KRT72: variants seen among roughly 807,000 people sequenced by gnomAD.
KRT72 encodes the protein keratin 72, also known as keratin, type II cytoskeletal 72.
KRT72 carries 44 observed loss-of-function variants against 44.7 expected under a neutral mutation model. The observed-to-expected ratio is 0.98, with a 90% CI of 0.77 to 1.27. KRT72 has a LOEUF of 1.27. KRT72 is among the 50% of genes most tolerant of loss of function. The pLI, the probability that KRT72 is intolerant of heterozygous loss-of-function variation, is 0.00. For synonymous variants in KRT72, 302 were observed against 280.4 expected (o/e 1.08, Z -0.77); for missense variants, 736 against 667.1 (o/e 1.10, Z -1.14).
rs866580582 is a variant in KRT72, at chr12:52,591,708, C to T, written c.799-80G>A. On this transcript the variant is annotated intron_variant, in intron 4 of 8. Transcript: ENST00000293745. ...TCTCTTGGTCCTCCCTGGGCAAATT[C>T]CTCACTGTCCCTCTGCCTTTCCTCA... 4 of 1,332,312 alleles carry T rather than the reference C, an allele frequency of 3.0e-6. No individual in the cohort carries two copies. In the Middle Eastern group the frequency reaches 5.7e-4, roughly 189 times the overall value. The allele number at this position is 1,332,312 out of a possible 1,614,324, so 82.5% of individuals were successfully genotyped here.
intron 1 of KRT72, chr12:52,599,340 C>A: frequency 1.6e-6 from 1 of 611,234 alleles, no homozygotes; most frequent in African/African-American, 1.8e-5. Flanking sequence ...GCAATGGTAC[C>A]ATCTGCCTCT....
chr12:52,600,570 G>A (rs546148044), intron 1 of KRT72, among the ~76,000 whole-genome samples: 5 of 152,232 alleles, frequency 3.3e-5, no homozygotes, highest in African/African-American at 1.2e-4. Flanking sequence ...TCCTAATAGT[G>A]AATAAGTATC....
intron 2 of KRT72, among the ~76,000 whole-genome samples, chr12:52,595,402 T>C (rs1940198128): frequency 6.6e-6 from 1 of 152,214 alleles, no homozygotes; most frequent in African/African-American, 2.4e-5. Flanking sequence ...TTCAATAACC[T>C]ATTATACAAG....
At chr12:52,592,343 A>G (rs757189180) in intron 4 of KRT72, 53 bp downstream of exon 4, 2 of 1,319,516 alleles carry the variant, frequency 1.5e-6, no homozygotes, top group Non-Finnish European at 2.2e-6. Context: ...CAGGGGCCAG[A>G]AACCTCTTGT....
Position 52,586,154 on chromosome 12 carries a change from T to C in KRT72, c.1364A>G (p.Asn455Ser). ...GAAGCCAGCCCCTCCTGCCCCAGCATTGGTGCTGCTGATGACGGCTGGAAT... is the reference window on the plus strand; with the variant it reads ...GAAGCCAGCCCCTCCTGCCCCAGCACTGGTGCTGCTGATGACGGCTGGAAT... Reference protein sequence around the residue: ...SVSISVISSTNAGAGGAGFSM... With the variant: ...SVSISVISSTSAGAGGAGFSM... Residue 455 changes from asparagine (N) to serine (S), a missense_variant, in exon 9 of 9, where the codon AAT (asparagine) becomes AGT (serine). By Grantham distance (46) the Asn-to-Ser change is conservative (BLOSUM62 1). Coordinates refer to ENST00000293745, the MANE Select transcript of KRT72 (RefSeq NM_080747.3). 6.2e-6 allele frequency: 10 copies of C among 1,613,920 alleles called. No homozygotes were observed. In the South Asian group the frequency reaches 7.7e-5, roughly 12 times the overall value.
At chr12:52,595,800 A>G (rs1338257513) in intron 2 of KRT72, among the ~76,000 whole-genome samples, 1 of 152,258 alleles carries the variant, frequency 6.6e-6, no homozygotes, top group African/African-American at 2.4e-5. Context: ...AATAAGTTGT[A>G]TAAGCATGGC....
intron 1 of KRT72, among the ~76,000 whole-genome samples, chr12:52,600,742 C>T (rs913499817): frequency 4.6e-5 from 7 of 151,360 alleles, no homozygotes; most frequent in Non-Finnish European, 8.8e-5. Context: ...TTTTTTTTCC[C>T]AGTCTCGGGT....
At chr12:52,601,674 A>T (rs950311518), upstream of KRT72, 6 of 570,946 alleles carry the variant, frequency 1.1e-5, no homozygotes, top group African/African-American at 1.2e-4. Flanking sequence ...TGAACTCCCC[A>T]TGAATCCCTG....
At position 52,601,357 on chromosome 12, in the gene KRT72, G is replaced by A. The variant is rs892829959; in HGVS notation, c.96C>T (p.Ala32=). 4.5e-6 allele frequency: 7 copies of A among 1,543,920 alleles called. No homozygotes were observed. The highest frequency in any genetic ancestry group is 6.1e-6 in the Non-Finnish European group (7 of 1,146,824). ...VLSGGIGSSS[A]SFRARVKGSA... ...AGCCCTTGACCCGGGCCCGGAATGA[G>A]GCGGAGCTGCTGCCGATCCCGCCAG... The change falls in exon 1 of 9, where the codon GCC becomes GCT. Residue 32 remains alanine (A), a synonymous_variant. Coordinates refer to ENST00000293745, the MANE Select transcript of KRT72 (RefSeq NM_080747.3).
upstream of KRT72, among the ~76,000 whole-genome samples, chr12:52,602,471 C>G (rs879565281): frequency 6.6e-6 from 1 of 152,160 alleles, no homozygotes; most frequent in African/African-American, 2.4e-5. Context: ...CCACCTAACC[C>G]GATTTCCTTT....
rs1940320175 is a variant in KRT72 at position 52,599,043 on chromosome 12, T to A, written c.496A>T (p.Asn166Tyr). Residue 166 changes from asparagine to tyrosine, a missense_variant, in exon 2 of 9, where the codon AAC (asparagine) becomes TAC (tyrosine). Coordinates refer to ENST00000293745, the MANE Select transcript of KRT72 (RefSeq NM_080747.3). ...KWNLLQQLDL[N>Y]NCRKNLEPIY... ...GGCTCCAGGTTCTTCCTGCAGTTGT[T>A]CAAGTCCAGCTGCTGTAGGAGGTTC... 1.2e-6 allele frequency: 2 copies of A among 1,614,020 alleles called. No homozygotes were observed. The highest frequency in any genetic ancestry group is 4.5e-5 in the East Asian group (2 of 44,872).
At chr12:52,602,792 C>A (rs547607433), upstream of KRT72, among the ~76,000 whole-genome samples, 1 of 152,318 alleles carries the variant, frequency 6.6e-6, no homozygotes, top group African/African-American at 2.4e-5. Context: ...CCCTTGGGGA[C>A]CTCATGGGTT....
chr12:52,601,176 G>C lies in KRT72; in HGVS notation c.277C>G (p.Pro93Ala). 6.2e-7 allele frequency: 1 copy of C among 1,613,300 alleles called. No individual in the cohort carries two copies. Residue 93 changes from proline (P) to alanine (A), a missense_variant, in exon 1 of 9, where the codon CCA (proline) becomes GCA (alanine). By Grantham distance (27) the Pro-to-Ala change is conservative. Transcript: ENST00000293745. ...GTGACCTGAGGGATGCCCCCGGGTG[G>C]GCACACGGAGGGACACTTGGGCCCC... is the stretch of plus-strand genomic sequence containing the variant. ...GLGPKCPSVC[P>A]PGGIPQVTVN...
Position 52,587,745 on chromosome 12 carries a change from G to T in KRT72, c.1196C>A (p.Ala399Asp). Reference sequence around the variant, plus strand: ...CAGCATCCGTGCCAGCTCCTCCTTGGCCTGGTGCAGGGCGCCCTCCAGCTC... The same window carrying T: ...CAGCATCCGTGCCAGCTCCTCCTTGTCCTGGTGCAGGGCGCCCTCCAGCTC... ...LDELEGALHQ[A>D]KEELARMLRE... is the part of the protein sequence containing the mutation. Residue 399 changes from alanine to aspartate, a missense_variant, in exon 7 of 9, where the codon GCC becomes GAC. By Grantham distance (126) the Ala-to-Asp change is moderately radical. Coordinates refer to ENST00000293745, the MANE Select transcript of KRT72 (RefSeq NM_080747.3). The T allele has an allele frequency of 6.2e-7, 1 of 1,614,158 alleles. No individual in the cohort carries two copies. The highest frequency in any genetic ancestry group is 8.5e-7 in the Non-Finnish European group (1 of 1,180,030).
At chr12:52,593,004 C>T in intron 2 of KRT72, 52 bp from the exon 3 acceptor site, 2 of 1,530,740 alleles carry the variant, frequency 1.3e-6, no homozygotes, top group South Asian at 2.4e-5. Context: ...ACTCACTGAA[C>T]AGTTAGTGAC....
At position 52,585,823 on chromosome 12, in the gene KRT72, C is replaced by T. The variant is rs1592218962; in HGVS notation, c.*159G>A. ...GAGCTCCTGACTGGACTCCTTGCAT[C>T]GAAGCATCACACCTTGAGGACAACA... On this transcript the variant is annotated 3_prime_UTR_variant, in exon 9 of 9. Coordinates refer to ENST00000293745, the MANE Select transcript of KRT72 (RefSeq NM_080747.3). 10 of 688,442 alleles carry T rather than the reference C, an allele frequency of 1.5e-5. 1 individual carries two copies. The highest frequency in any genetic ancestry group is 1.0e-4 in the East Asian group (4 of 38,548). The allele number at this position is 688,442 out of a possible 1,614,324, so 42.6% of individuals were successfully genotyped here.
intron 5 of KRT72, 94 bp from the exon 6 acceptor site, chr12:52,591,055 TCAA>T (rs1939996026): frequency 3.2e-6 from 4 of 1,235,338 alleles, no homozygotes; most frequent in Non-Finnish European, 4.3e-6. Flanking sequence ...CTGCCCTAGT[TCAA>T]CAAGATCCTC....
chr12:52,587,854 G>A lies in KRT72; in HGVS notation c.1090-3C>T, dbSNP rs750560666. ...ATGGCCGTCTCCAGATCGGCACACTGAGGGGCAAACAGATCCAGCACTTAA... is the reference window on the plus strand; with the variant it reads ...ATGGCCGTCTCCAGATCGGCACACTAAGGGGCAAACAGATCCAGCACTTAA... On this transcript the variant is annotated splice_polypyrimidine_tract_variant and splice_region_variant and intron_variant, in intron 6 of 8. Coordinates refer to ENST00000293745, the MANE Select transcript of KRT72 (RefSeq NM_080747.3). The A allele has an allele frequency of 2.5e-6, 4 of 1,613,302 alleles. No individual in the cohort carries two copies. The Admixed American group carries it at 6.7e-5, about 27-fold the overall frequency.
rs796857589 is a variant in KRT72 at position 52,591,107 on chromosome 12, T to C, written c.964-146A>G. On this transcript the variant is annotated intron_variant, in intron 5 of 8. Coordinates refer to ENST00000293745, the MANE Select transcript of KRT72 (RefSeq NM_080747.3). ...TGAGAGCCTTGGCAGAGTGTGAATT[T>C]CCTATCCTCATTTTGCCAAAGTGGA... 6.2e-6 allele frequency: 5 copies of C among 800,158 alleles called. No individual in the cohort carries two copies. The South Asian group carries it at 1.5e-4, about 24-fold the overall frequency. 49.6% of individuals were successfully genotyped at this position (800,158 alleles called of 1,614,324 possible). A position where few individuals can be genotyped will look rare whatever the true frequency, so the allele number is the denominator to read the frequency against.
Sources: gnomAD v4.1 joint callset for allele counts (sites outside exome capture counted in the v4.1 genomes callset) on GRCh38, gnomAD v4.1.1 for gene constraint, MANE v1.5 for transcripts, NCBI Gene and HGNC (gene_info 2026-07-23, HGNC 2026-07-21) for gene names.